ZCCHC10: variants seen among roughly 807,000 people sequenced by gnomAD.
ZCCHC10 encodes zinc finger CCHC domain-containing protein 10.
Under a neutral mutation model 19.5 loss-of-function variants are expected in ZCCHC10, and 16 were observed. That is an observed-to-expected ratio of 0.82 (90% CI 0.56 to 1.25). The LOEUF is 1.25. Among genes scored for constraint, ZCCHC10 ranks in the 50% most tolerant of loss-of-function variants. ZCCHC10 has a pLI of 0.00. For synonymous variants in ZCCHC10, 67 were observed against 72.5 expected, an observed-to-expected ratio of 0.92 and a Z score of 0.38; for missense variants, 197 against 201.0, an observed-to-expected ratio of 0.98 and a Z score of 0.12.
At chr5:133,014,154 CTTTTTT>C (rs767551153) in intron 2 of ZCCHC10, among the ~76,000 whole-genome samples, 1 of 113,076 alleles carries the variant, frequency 8.8e-6, no homozygotes, top group African/African-American at 3.8e-5. Context: ...ACTATTTACT[CTTTTTT>C]TTTTTTTTTT....
chr5:133,003,218 C>T (rs1396919429), intron 3 of ZCCHC10: 15 of 377,190 alleles, frequency 4.0e-5, no homozygotes, highest in Admixed American at 3.5e-4. Context: ...CTGTTTCTCT[C>T]GCCTCTGACA....
intron 3 of ZCCHC10, among the ~76,000 whole-genome samples, chr5:133,002,128 T>A (rs538637058): frequency 4.2e-4 from 63 of 151,128 alleles, no homozygotes; most frequent in Non-Finnish European, 7.4e-4. Flanking sequence ...GTCTGGCTAA[T>A]TTTTTTGTAT....
At chr5:133,003,295 A>G (rs1372098178) in intron 3 of ZCCHC10, 3 of 457,586 alleles carry the variant, frequency 6.6e-6, no homozygotes, top group Non-Finnish European at 1.3e-5. Context: ...CTGGGTCCCA[A>G]TGATCAATAC....
At chr5:133,013,987 T>G (rs1763747663) in intron 2 of ZCCHC10, among the ~76,000 whole-genome samples, 3 of 152,090 alleles carry the variant, frequency 2.0e-5, no homozygotes, top group Admixed American at 2.0e-4. Flanking sequence ...ACAGAAAAGT[T>G]CTAACTCTGT....
At chr5:133,007,898 G>C (rs936255072) in intron 2 of ZCCHC10, among the ~76,000 whole-genome samples, 3 of 152,090 alleles carry the variant, frequency 2.0e-5, no homozygotes, top group Non-Finnish European at 2.9e-5. Flanking sequence ...AACTAGAAAA[G>C]ACCGTCAAAA....
Position 133,006,920 on chromosome 5 carries a change from A to C in ZCCHC10, c.108T>G (p.Ser36Arg). ...WILIQPSIVI[S>R]EANKQHVRCQ... ...ATCTTACATGTTGCTTATTTGCTTCACTACAGAACAAAAAACAGAATACAA... is the reference window on the plus strand; with the variant it reads ...ATCTTACATGTTGCTTATTTGCTTCCCTACAGAACAAAAAACAGAATACAA... The change falls in exon 3 of 5, where the codon AGT (serine) becomes AGG (arginine). Residue 36 changes from serine (S) to arginine (R), a missense_variant and splice_region_variant. Transcript: ENST00000509437. 6.3e-7 allele frequency: 1 copy of C among 1,595,188 alleles called. No individual in the cohort carries two copies. The highest frequency in any genetic ancestry group is 8.5e-7 in the Non-Finnish European group (1 of 1,173,384).
At chr5:133,017,961 T>C (rs1046815104) in intron 2 of ZCCHC10, among the ~76,000 whole-genome samples, 6 of 151,944 alleles carry the variant, frequency 3.9e-5, no homozygotes, top group Non-Finnish European at 7.4e-5. Context: ...CTGGCCAACA[T>C]GGCAAAACTC....
intron 3 of ZCCHC10, among the ~76,000 whole-genome samples, chr5:133,001,327 G>A (rs1436635894): frequency 6.6e-6 from 1 of 151,968 alleles, no homozygotes; most frequent in African/African-American, 2.4e-5. Flanking sequence ...GGAGGCAGAG[G>A]TTGCAGTGAG....
chr5:133,022,947 C>G (rs774574143), intron 1 of ZCCHC10, 41 bp from the exon 2 acceptor site: 1 of 489,346 alleles, frequency 2.0e-6, no homozygotes. Flanking sequence ...GTAAGTCTGA[C>G]ACTTAAGTCC....
At chr5:133,012,047 G>A (rs906015585) in intron 2 of ZCCHC10, among the ~76,000 whole-genome samples, 1 of 144,948 alleles carries the variant, frequency 6.9e-6, no homozygotes, top group Admixed American at 7.4e-5. Context: ...TGAGGCAGGA[G>A]AATTGCTCAA....
chr5:133,002,135 G>A (rs1762819242), intron 3 of ZCCHC10, among the ~76,000 whole-genome samples: 1 of 150,654 alleles, frequency 6.6e-6, no homozygotes, highest in South Asian at 2.1e-4. Context: ...TAATTTTTTT[G>A]TATTTTTAGT....
At chr5:133,021,216 A>C (rs1764289191) in intron 2 of ZCCHC10, among the ~76,000 whole-genome samples, 1 of 152,070 alleles carries the variant, frequency 6.6e-6, no homozygotes. Context: ...TTTTTAGTAG[A>C]GACAGGGTTT....
intron 2 of ZCCHC10, among the ~76,000 whole-genome samples, chr5:133,007,632 G>T (rs1010331925): frequency 3.3e-5 from 5 of 151,808 alleles, no homozygotes; most frequent in Admixed American, 3.3e-4. Context: ...GATGTGACTT[G>T]TTCCTCCTTG....
At chr5:133,014,255 G>A (rs1763773297) in intron 2 of ZCCHC10, among the ~76,000 whole-genome samples, 1 of 150,690 alleles carries the variant, frequency 6.6e-6, no homozygotes, top group South Asian at 2.1e-4. Flanking sequence ...CGCCTCCCAG[G>A]TTCAAGCAAT....
chr5:133,017,369 AT>A (rs11452608), intron 2 of ZCCHC10, among the ~76,000 whole-genome samples: 21 of 149,050 alleles, frequency 1.4e-4, no homozygotes, highest in Non-Finnish European at 2.4e-4. Flanking sequence ...CCATAGCATG[AT>A]TTTTTTTTTT....
intron 1 of ZCCHC10, among the ~76,000 whole-genome samples, chr5:133,026,109 C>A (rs1467737453): frequency 2.6e-5 from 4 of 152,206 alleles, no homozygotes; most frequent in Non-Finnish European, 5.9e-5. Context: ...GGGCTGGACA[C>A]TGAATAGGAA....
intron 2 of ZCCHC10, among the ~76,000 whole-genome samples, chr5:133,012,286 A>G (rs1221822261): frequency 5.3e-5 from 8 of 151,406 alleles, no homozygotes; most frequent in African/African-American, 1.9e-4. Flanking sequence ...TGGCCAACAC[A>G]GTGAAACCCC....
At chr5:133,009,613 C>CAAAAAAAAAAAAAA (rs59555378) in intron 2 of ZCCHC10, among the ~76,000 whole-genome samples, 1 of 55,540 alleles carries the variant, frequency 1.8e-5, no homozygotes. Context: ...GACTCCGTCT[C>CAAAAAAAAAAAAAA]AAAAAAAAAA....
chr5:133,004,942 T>C lies in ZCCHC10; in HGVS notation c.269+1817A>G, dbSNP rs1378682623. Among the ~76,000 whole-genome samples, 5 of 152,226 alleles carry C rather than the reference T, an allele frequency of 3.3e-5. 1 individual carries two copies. Among genetic ancestry groups the C allele is most frequent in the Admixed American group, 2.0e-4 (3 of 15,274 alleles). On this transcript the variant is annotated intron_variant, in intron 3 of 4. Coordinates refer to ENST00000509437, the MANE Select transcript of ZCCHC10 (RefSeq NM_001300816.3). ...CACATAATAATATTCCATTAAAATA[T>C]GCTTTTTAATTGACAATTCAATTAG...
Sources: gnomAD v4.1 joint callset for allele counts (sites outside exome capture counted in the v4.1 genomes callset) on GRCh38, gnomAD v4.1.1 for gene constraint, MANE v1.5 for transcripts, NCBI Gene and HGNC (gene_info 2026-07-23, HGNC 2026-07-21) for gene names.